The following TENM2 variants were observed in gnomAD, a reference collection of about 807,000 sequenced individuals.
TENM2 encodes teneurin transmembrane protein 2.
Under a neutral mutation model 245.2 loss-of-function variants are expected in TENM2, and 52 were observed. That is an observed-to-expected ratio of 0.21 (90% CI 0.17 to 0.27). The LOEUF (loss-of-function observed/expected upper bound fraction) is 0.27, where lower values mean the gene tolerates loss of function less well. Ranked by LOEUF, TENM2 falls within the 10% of genes least tolerant of loss-of-function variation. TENM2 has a pLI of 1.00. For synonymous variants in TENM2, 1,363 were observed against 1,438.9 expected (o/e 0.95, Z 1.19); for missense variants, 3,046 against 3,666.8 (o/e 0.83, Z 4.37).
At chr5:167,450,570 A>C (rs1765515474) in intron 2 of TENM2, among the ~76,000 whole-genome samples, 1 of 152,146 alleles carries the variant, frequency 6.6e-6, no homozygotes, top group Non-Finnish European at 1.5e-5. Context: ...TTATTCTTTG[A>C]CTTTTTTATA....
intron 4 of TENM2, among the ~76,000 whole-genome samples, chr5:167,967,255 C>T (rs182167855): frequency 1.3e-5 from 2 of 152,192 alleles, no homozygotes; most frequent in South Asian, 4.2e-4. Context: ...GCACCTCATC[C>T]CCCACATCAC....
At chr5:167,900,111 T>A (rs1201893948) in intron 3 of TENM2, among the ~76,000 whole-genome samples, 98 of 43,472 alleles carry the variant, frequency 2.3e-3, no homozygotes, top group East Asian at 2.7e-3. Context: ...CTCAACCCAC[T>A]AAAAAAAAAA....
chr5:167,189,216 A>G, the TENM2 span, among the ~76,000 whole-genome samples: 1 of 152,298 alleles, frequency 6.6e-6, no homozygotes, highest in Admixed American at 6.5e-5. Flanking sequence ...TACTTTTTAA[A>G]CTACTGTAGT....
At chr5:167,506,383 G>A (rs1056178313) in intron 2 of TENM2, among the ~76,000 whole-genome samples, 1 of 152,102 alleles carries the variant, frequency 6.6e-6, no homozygotes, top group African/African-American at 2.4e-5. Context: ...GAATAACAGG[G>A]AGATAACTGC....
At chr5:167,042,925 C>T in the TENM2 span, among the ~76,000 whole-genome samples, 12 of 152,242 alleles carry the variant, frequency 7.9e-5, no homozygotes, top group South Asian at 2.5e-3. Context: ...ATCTTGTTTA[C>T]CTCACTTTCC....
chr5:167,767,630 G>A (rs1055864227), intron 2 of TENM2, among the ~76,000 whole-genome samples: 1 of 152,164 alleles, frequency 6.6e-6, no homozygotes, highest in African/African-American at 2.4e-5. Context: ...GAATAATAGG[G>A]AAAAGAGAAG....
intron 7 of TENM2, among the ~76,000 whole-genome samples, chr5:168,079,574 A>G (rs376082269): frequency 2.6e-5 from 4 of 152,100 alleles, no homozygotes; most frequent in African/African-American, 7.2e-5. Flanking sequence ...GTTTGTCATA[A>G]ATAGCTCTTA....
At chr5:167,951,156 A>G (rs1055477381) in intron 3 of TENM2, among the ~76,000 whole-genome samples, 1 of 152,218 alleles carries the variant, frequency 6.6e-6, no homozygotes, top group African/African-American at 2.4e-5. Context: ...GAACCCCAGA[A>G]TGTAGATTAC....
At chr5:167,033,246 T>A in the TENM2 span, among the ~76,000 whole-genome samples, 21 of 152,360 alleles carry the variant, frequency 1.4e-4, no homozygotes, top group African/African-American at 4.6e-4. Flanking sequence ...TTATTCGTGC[T>A]ATTTTTTGGA....
At chr5:167,786,306 C>T (rs959833729) in intron 2 of TENM2, among the ~76,000 whole-genome samples, 10 of 152,226 alleles carry the variant, frequency 6.6e-5, no homozygotes, top group Admixed American at 5.9e-4. Flanking sequence ...TTCATTACCT[C>T]ATGACTGAGA....
the TENM2 span, among the ~76,000 whole-genome samples, chr5:167,102,799 C>T: frequency 4.6e-5 from 7 of 152,180 alleles, no homozygotes; most frequent in Admixed American, 1.3e-4. Context: ...GCTGGGATTA[C>T]AGGTGTGTGC....
the TENM2 span, among the ~76,000 whole-genome samples, chr5:167,127,869 A>G: frequency 1.3e-5 from 2 of 152,144 alleles, no homozygotes; most frequent in Non-Finnish European, 2.9e-5. Context: ...AATGCTGTCC[A>G]GGGGATCCTT....
intron 1 of TENM2, among the ~76,000 whole-genome samples, chr5:167,312,755 A>G (rs548406635): frequency 1.0e-3 from 159 of 152,008 alleles, no homozygotes; most frequent in African/African-American, 3.7e-3. Flanking sequence ...TTTCATAACT[A>G]TCTCTTTAGT....
chr5:167,369,094 C>T (rs1040940882), intron 1 of TENM2, among the ~76,000 whole-genome samples: 4 of 152,076 alleles, frequency 2.6e-5, no homozygotes, highest in Non-Finnish European at 5.9e-5. Flanking sequence ...TGTCTGCTGC[C>T]GTTTCCAATT....
chr5:168,029,332 C>G (rs1375812304), intron 5 of TENM2, among the ~76,000 whole-genome samples: 3 of 152,146 alleles, frequency 2.0e-5, no homozygotes, highest in Non-Finnish European at 4.4e-5. Context: ...ACTTTCACAA[C>G]CTGCCTTCAT....
Position 167,597,019 on chromosome 5 carries a change from A to G in TENM2, c.502+221546A>G, listed in dbSNP as rs368057800. ...ATCCGGCTGCTTATGCGAAAAGTTC[A>G]TGAGCTCAGTCCTTCAGTTTTCAGT... is the stretch of plus-strand genomic sequence containing the variant. On this transcript the variant is annotated intron_variant, in intron 2 of 28. Transcript: ENST00000518659. 1.1e-4 allele frequency among the ~76,000 whole-genome samples: 16 copies of G among 152,210 alleles called. 1 individual carries two copies. The East Asian group carries it at 2.7e-3, about 26-fold the overall frequency.
chr5:167,553,471 G>A (rs577584213), intron 2 of TENM2, among the ~76,000 whole-genome samples: 99 of 152,328 alleles, frequency 6.5e-4, no homozygotes, highest in African/African-American at 2.1e-3. Flanking sequence ...CTCACATAGC[G>A]TCCAGATCTG....
chr5:167,009,336 T>C, the TENM2 span, among the ~76,000 whole-genome samples: 11 of 152,194 alleles, frequency 7.2e-5, no homozygotes, highest in African/African-American at 2.7e-4. Context: ...TGTTTCCTTT[T>C]TGATACATTC....
the TENM2 span, among the ~76,000 whole-genome samples, chr5:167,235,422 C>T: frequency 6.6e-6 from 1 of 152,154 alleles, no homozygotes; most frequent in Non-Finnish European, 1.5e-5. Context: ...GCTCAACTCC[C>T]CACAATTACG....
Sources: gnomAD v4.1 joint callset for allele counts (sites outside exome capture counted in the v4.1 genomes callset) on GRCh38, gnomAD v4.1.1 for gene constraint, MANE v1.5 for transcripts, NCBI Gene and HGNC (gene_info 2026-07-23, HGNC 2026-07-21) for gene names.